The following AFTPH variants were observed in gnomAD, a reference collection of about 807,000 sequenced individuals.
The protein encoded by AFTPH is aftiphilin.
Under a neutral mutation model 72.5 loss-of-function variants are expected in AFTPH, and 7 were observed. The ratio of observed to expected loss-of-function variants is 0.10; its 90% confidence interval spans 0.05 to 0.18. The LOEUF is 0.18. Ranked by LOEUF, AFTPH falls within the 10% of genes least tolerant of loss-of-function variation. The pLI is 1.00. For missense variants in AFTPH, 979 were observed against 1,060.5 expected, an observed-to-expected ratio of 0.92 and a Z score of 1.07; for synonymous variants, 337 against 370.1, an observed-to-expected ratio of 0.91 and a Z score of 1.03.
chr2:64,553,373 T>A, exon 2 of AFTPH: 1 of 1,600,410 alleles, frequency 6.2e-7, no homozygotes, highest in East Asian at 2.2e-5. Context: ...GAGCAGTTGC[T>A]AGTGGCCATT....
chr2:64,553,499 A>C, intron 2 of AFTPH, 90 bp downstream of exon 2: 1 of 1,383,860 alleles, frequency 7.2e-7, no homozygotes, highest in East Asian at 2.4e-5. Context: ...TTTTCAACTG[A>C]GTACTTGTTA....
At chr2:64,525,375 C>A (rs1242725991) in intron 1 of AFTPH, 1 of 153,602 alleles carries the variant, frequency 6.5e-6, no homozygotes, top group African/African-American at 2.4e-5. Flanking sequence ...GTTTTTTTTT[C>A]CTTGTTGCTT....
chr2:64,573,196 A>G lies in AFTPH; in HGVS notation c.2394+128A>G, dbSNP rs531075615. On this transcript the variant is annotated intron_variant, in intron 6 of 8. Coordinates refer to ENST00000238856, the Ensembl canonical transcript of AFTPH. ...TGTAAAGCTTGATTTAATGATGGACATGATTTTGATTAATTAACATCCCTT... is the reference window on the plus strand; with the variant it reads ...TGTAAAGCTTGATTTAATGATGGACGTGATTTTGATTAATTAACATCCCTT... 8.4e-5 allele frequency: 60 copies of G among 717,920 alleles called. No individual in the cohort carries two copies. In the East Asian group the frequency reaches 1.6e-3, roughly 19 times the overall value. The allele number at this position is 717,920 out of a possible 1,614,324, so 44.5% of individuals were successfully genotyped here.
chr2:64,573,946 C>T (rs1307629297), intron 6 of AFTPH, among the ~76,000 whole-genome samples: 1 of 152,200 alleles, frequency 6.6e-6, no homozygotes, highest in African/African-American at 2.4e-5. Flanking sequence ...TGAGCCATCA[C>T]ACGCAGCCAG....
chr2:64,559,456 G>A (rs1185476911), intron 2 of AFTPH, among the ~76,000 whole-genome samples: 1 of 152,172 alleles, frequency 6.6e-6, no homozygotes, highest in Non-Finnish European at 1.5e-5. Flanking sequence ...AGTGGTGTAA[G>A]TTCCAGCCCA....
At chr2:64,537,698 G>A (rs1329426377) in intron 1 of AFTPH, among the ~76,000 whole-genome samples, 1 of 152,146 alleles carries the variant, frequency 6.6e-6, no homozygotes, top group Non-Finnish European at 1.5e-5. Context: ...CCTTAAAGTA[G>A]CATGCTTCCT....
In AFTPH at chr2:64,575,703, ATGTGTGTGTGTGTGTGTGTG is replaced by A. The variant is rs149890368; in HGVS notation, c.2394+2655_2394+2674del. Among the ~76,000 whole-genome samples, 445 of 145,788 alleles carry A rather than the reference ATGTGTGTGTGTGTGTGTGTG, an allele frequency of 3.1e-3. 2 individuals are homozygous for A. The highest frequency in any genetic ancestry group is 0.01 in the African/African-American group (405 of 39,210). On this transcript the variant is annotated intron_variant, in intron 6 of 8. Coordinates refer to ENST00000238856, the Ensembl canonical transcript of AFTPH. ...TTTATATATATATGTATGTGTGTAT[ATGTGTGTGTGTGTGTGTGTG>A]TGTGTGTGTGTGTGTGTGTATATAT...
intron 5 of AFTPH, among the ~76,000 whole-genome samples, chr2:64,572,525 G>A (rs929157387): frequency 1.3e-5 from 2 of 151,868 alleles, no homozygotes; most frequent in African/African-American, 4.8e-5. Context: ...GTGACATATT[G>A]TTGTCTCCCC....
intron 7 of AFTPH, among the ~76,000 whole-genome samples, chr2:64,583,517 A>G (rs561067591): frequency 6.6e-6 from 1 of 152,016 alleles, no homozygotes; most frequent in South Asian, 2.1e-4. Context: ...TATAAACCCA[A>G]CTAAGTTTTT....
chr2:64,586,986 CCTTT>C (rs914446373), intron 8 of AFTPH, among the ~76,000 whole-genome samples: 43 of 152,304 alleles, frequency 2.8e-4, no homozygotes, highest in Middle Eastern at 3.4e-3. Flanking sequence ...CTCTTTCCTT[CCTTT>C]GTTTCCCCTG....
At chr2:64,586,338 C>T (rs1673505235) in intron 8 of AFTPH, among the ~76,000 whole-genome samples, 1 of 152,180 alleles carries the variant, frequency 6.6e-6, no homozygotes, top group African/African-American at 2.4e-5. Flanking sequence ...GAACTATTTA[C>T]CTATTAGTTG....
At chr2:64,564,840 C>CT (rs199615325) in intron 2 of AFTPH, among the ~76,000 whole-genome samples, 2,614 of 142,840 alleles carry the variant, frequency 0.018, 32 homozygotes, top group Non-Finnish European at 0.024. Context: ...AATTGATACA[C>CT]TTTTTTTTTT....
intron 3 of AFTPH, among the ~76,000 whole-genome samples, chr2:64,568,384 T>C (rs1422107303): frequency 6.6e-6 from 1 of 152,204 alleles, no homozygotes; most frequent in Non-Finnish European, 1.5e-5. Context: ...TAAGAGCTTG[T>C]TCATACACTT....
At chr2:64,560,545 T>C (rs1322208851) in intron 2 of AFTPH, among the ~76,000 whole-genome samples, 1 of 152,186 alleles carries the variant, frequency 6.6e-6, no homozygotes, top group East Asian at 1.9e-4. Context: ...CCTGAGCCCT[T>C]TCTCCATAAA....
rs1282934810 is a variant in AFTPH, at chr2:64,581,293, C to CACAATTCCAGTTTA, written c.2455+1748_2455+1761dup. The CACAATTCCAGTTTA allele has an allele frequency of 1.3e-6, 2 of 1,560,998 alleles. No homozygotes were observed. Among genetic ancestry groups the CACAATTCCAGTTTA allele is most frequent in the East Asian group, 4.7e-5 (2 of 42,240 alleles). ...TCCCAGGTCAGCAGAGTGTTAAAAC[C>CACAATTCCAGTTTA]ACAATTCCAGTTTATTTACTAAAAG... is the stretch of plus-strand genomic sequence containing the variant. On this transcript the variant is annotated intron_variant, in intron 7 of 8. Transcript: ENST00000238856.
At chr2:64,545,133 A>G (rs543390019) in intron 1 of AFTPH, among the ~76,000 whole-genome samples, 13 of 152,224 alleles carry the variant, frequency 8.5e-5, no homozygotes, top group African/African-American at 3.1e-4. Flanking sequence ...AAAGTTTTGG[A>G]AAAAAGCAAT....
chr2:64,555,762 A>G (rs1053654848), intron 2 of AFTPH, among the ~76,000 whole-genome samples: 3 of 152,158 alleles, frequency 2.0e-5, no homozygotes, highest in African/African-American at 7.2e-5. Context: ...AACCCTGCTG[A>G]GTAAGTGACT....
chr2:64,537,549 A>G (rs1669965061), intron 1 of AFTPH, among the ~76,000 whole-genome samples: 1 of 152,214 alleles, frequency 6.6e-6, no homozygotes, highest in African/African-American at 2.4e-5. Context: ...GAGAACTTTT[A>G]CATTGTAGAT....
chr2:64,559,906 T>C (rs1671614143), intron 2 of AFTPH, among the ~76,000 whole-genome samples: 1 of 152,178 alleles, frequency 6.6e-6, no homozygotes, highest in Non-Finnish European at 1.5e-5. Context: ...GATTTTGCCA[T>C]GTTGCCCAGA....
Sources: gnomAD v4.1 joint callset for allele counts (sites outside exome capture counted in the v4.1 genomes callset) on GRCh38, gnomAD v4.1.1 for gene constraint, MANE v1.5 for transcripts, NCBI Gene and HGNC (gene_info 2026-07-23, HGNC 2026-07-21) for gene names.